The following TRAM2 variants were observed in gnomAD, a reference collection of about 807,000 sequenced individuals.
TRAM2 encodes translocating chain-associated membrane protein 2.
In TRAM2, 12 loss-of-function variants were observed where a neutral mutation model predicts 51.0. That is an observed-to-expected ratio of 0.24 (90% CI 0.15 to 0.38). TRAM2 has a LOEUF of 0.38. TRAM2 is among the 10% of genes least tolerant of loss of function. The pLI is 1.00. For missense variants in TRAM2, 361 were observed against 462.0 expected, an observed-to-expected ratio of 0.78 and a Z score of 2.00; for synonymous variants, 175 against 179.4, an observed-to-expected ratio of 0.98 and a Z score of 0.20.
intron 2 of TRAM2, among the ~76,000 whole-genome samples, chr6:52,519,989 G>A (rs1766638350): frequency 6.6e-6 from 1 of 152,206 alleles, no homozygotes; most frequent in Non-Finnish European, 1.5e-5. Flanking sequence ...ACCAAGGGCT[G>A]GGAGTGAGAG....
intron 1 of TRAM2, among the ~76,000 whole-genome samples, chr6:52,542,972 G>A (rs114129997): frequency 0.011 from 1,745 of 152,260 alleles, 25 homozygotes; most frequent in African/African-American, 0.038. Flanking sequence ...GGGTGGCCTA[G>A]GGAAAGCCCT....
At chr6:52,535,950 C>G in intron 1 of TRAM2, 104 bp from the exon 2 acceptor site, 1 of 895,808 alleles carries the variant, frequency 1.1e-6, no homozygotes, top group Non-Finnish European at 1.7e-6. Context: ...CCTCAAACCT[C>G]TTGACTGAAC....
intron 1 of TRAM2, among the ~76,000 whole-genome samples, chr6:52,571,736 T>C (rs1439512401): frequency 6.6e-6 from 1 of 152,146 alleles, no homozygotes; most frequent in African/African-American, 2.4e-5. Flanking sequence ...GTGGAGAACT[T>C]GGGGGAAAAG....
At chr6:52,572,389 A>C (rs899510749) in intron 1 of TRAM2, among the ~76,000 whole-genome samples, 6 of 152,224 alleles carry the variant, frequency 3.9e-5, no homozygotes, top group Non-Finnish European at 8.8e-5. Flanking sequence ...GGATCACCTG[A>C]AGTCAGGAGT....
chr6:52,576,924 G>A lies in TRAM2; in HGVS notation c.-9C>T. The A allele has an allele frequency of 6.2e-7, 1 of 1,607,536 alleles. No homozygotes were observed. On this transcript the variant is annotated 5_prime_UTR_variant, in exon 1 of 11. Transcript: ENST00000182527. ...CTCCTGCGGAAAGCCATGGCAGCGG[G>A]CGCGCAGCGGCCGGCGGGGCCCGCA...
intron 4 of TRAM2, 64 bp from the exon 5 acceptor site, chr6:52,509,650 ACCGG>A: frequency 6.6e-7 from 1 of 1,525,146 alleles, no homozygotes. Context: ...GGGCCCTGGG[ACCGG>A]TCCAGGGGTC....
intron 1 of TRAM2, among the ~76,000 whole-genome samples, chr6:52,539,338 T>C (rs1178710640): frequency 2.6e-5 from 4 of 152,230 alleles, no homozygotes; most frequent in Non-Finnish European, 5.9e-5. Context: ...CAAAAGTGTT[T>C]GCAGCTCTGC....
chr6:52,504,884 G>C, intron 9 of TRAM2, 130 bp from the exon 10 acceptor site: 1 of 753,910 alleles, frequency 1.3e-6, no homozygotes, highest in Non-Finnish European at 2.1e-6. Context: ...TTCACCACTG[G>C]CCCTCTTCGA....
At chr6:52,549,511 T>C (rs953072329) in intron 1 of TRAM2, among the ~76,000 whole-genome samples, 6 of 152,234 alleles carry the variant, frequency 3.9e-5, no homozygotes, top group Non-Finnish European at 7.3e-5. Flanking sequence ...ATTTCATAAT[T>C]AAACAATTAA....
intron 2 of TRAM2, chr6:52,522,896 CG>C: frequency 1.4e-6 from 1 of 702,438 alleles, no homozygotes; most frequent in Admixed American, 2.0e-5. Flanking sequence ...CACCTGCAAG[CG>C]GCTTCTCCTG....
chr6:52,561,579 G>A (rs1196672383), intron 1 of TRAM2, among the ~76,000 whole-genome samples: 1 of 150,350 alleles, frequency 6.7e-6, no homozygotes, highest in Non-Finnish European at 1.5e-5. Context: ...TCCGCCTCCC[G>A]GGTTCACACC....
intron 4 of TRAM2, among the ~76,000 whole-genome samples, chr6:52,513,240 C>T (rs1344313058): frequency 6.6e-6 from 1 of 152,096 alleles, no homozygotes; most frequent in African/African-American, 2.4e-5. Flanking sequence ...TTGAACTTCT[C>T]TATATTGTTC....
At chr6:52,512,679 G>C (rs937137809) in intron 4 of TRAM2, among the ~76,000 whole-genome samples, 5 of 152,168 alleles carry the variant, frequency 3.3e-5, no homozygotes, top group African/African-American at 1.2e-4. Context: ...GCTAAGCAAG[G>C]CCTCAACAAG....
rs1355092332 is a variant in TRAM2, at chr6:52,500,517, GGTTT to G, written c.*2676_*2679del. ...ATGCCAGCCCCACTCATGGTCTCAG[GGTTT>G]TTTTTTGTTTTTTTTTTTTTTTTTA... On this transcript the variant is annotated 3_prime_UTR_variant, in exon 11 of 11. Transcript: ENST00000182527. 9.6e-6 allele frequency: 1 copy of G among 103,998 alleles called. No individual in the cohort carries two copies. The highest frequency in any genetic ancestry group is 2.8e-4 in the South Asian group (1 of 3,560). The allele number at this position is 103,998 out of a possible 1,614,324, so 6.4% of individuals were successfully genotyped here.
chr6:52,509,289 T>G (rs989922698), intron 5 of TRAM2, among the ~76,000 whole-genome samples: 1 of 152,206 alleles, frequency 6.6e-6, no homozygotes, highest in Non-Finnish European at 1.5e-5. Flanking sequence ...ATCTGTCTCA[T>G]GCAGTTGAGG....
chr6:52,560,205 C>T (rs898078658), intron 1 of TRAM2, among the ~76,000 whole-genome samples: 1 of 151,640 alleles, frequency 6.6e-6, no homozygotes, highest in Non-Finnish European at 1.5e-5. Context: ...CGAGATCATG[C>T]CATTGCACTC....
chr6:52,554,168 G>A (rs886532899), intron 1 of TRAM2, among the ~76,000 whole-genome samples: 4 of 152,050 alleles, frequency 2.6e-5, no homozygotes, highest in African/African-American at 9.7e-5. Flanking sequence ...TGTCCCCACC[G>A]CCTGTTTGCT....
At chr6:52,560,499 T>G (rs1190863155) in intron 1 of TRAM2, among the ~76,000 whole-genome samples, 2 of 152,250 alleles carry the variant, frequency 1.3e-5, no homozygotes, top group African/African-American at 4.8e-5. Flanking sequence ...CATCCTCTTT[T>G]AAACAGCTAG....
At chr6:52,573,060 G>C (rs982167200) in intron 1 of TRAM2, among the ~76,000 whole-genome samples, 3 of 152,110 alleles carry the variant, frequency 2.0e-5, no homozygotes, top group African/African-American at 7.2e-5. Flanking sequence ...TGCAGCTTTA[G>C]AGCCTGTAAA....
Sources: gnomAD v4.1 joint callset for allele counts (sites outside exome capture counted in the v4.1 genomes callset) on GRCh38, gnomAD v4.1.1 for gene constraint, MANE v1.5 for transcripts, NCBI Gene and HGNC (gene_info 2026-07-23, HGNC 2026-07-21) for gene names.